DYRK1A: variants seen among roughly 807,000 people sequenced by gnomAD.
DYRK1A encodes dual specificity tyrosine phosphorylation regulated kinase 1A, also known as dual specificity tyrosine-phosphorylation-regulated kinase 1A.
DYRK1A carries 9 observed loss-of-function variants against 79.7 expected under a neutral mutation model. The observed-to-expected ratio is 0.11, with a 90% CI of 0.07 to 0.20. The LOEUF is 0.20. DYRK1A is among the 10% of genes least tolerant of loss of function. The pLI is 1.00. For missense variants in DYRK1A, 622 were observed against 956.0 expected, an observed-to-expected ratio of 0.65 and a Z score of 4.61; for synonymous variants, 349 against 329.7, an observed-to-expected ratio of 1.06 and a Z score of -0.63.
intron 2 of DYRK1A, among the ~76,000 whole-genome samples, chr21:37,421,165 ACT>A (rs1344689069): frequency 6.6e-6 from 1 of 152,078 alleles, no homozygotes. Flanking sequence ...AACATTTGAA[ACT>A]CTGTCAGAGA....
At chr21:37,461,293 C>T (rs1212510014) in intron 2 of DYRK1A, among the ~76,000 whole-genome samples, 2 of 151,938 alleles carry the variant, frequency 1.3e-5, no homozygotes, top group Non-Finnish European at 2.9e-5. Flanking sequence ...ATGGCAAAAC[C>T]ACAACTACTT....
intron 1 of DYRK1A, among the ~76,000 whole-genome samples, chr21:37,368,465 G>A (rs1037299472): frequency 6.6e-6 from 1 of 152,176 alleles, no homozygotes; most frequent in Non-Finnish European, 1.5e-5. Flanking sequence ...AGTGACTCTG[G>A]TTACTTGCCT....
intron 1 of DYRK1A, among the ~76,000 whole-genome samples, chr21:37,409,903 A>G (rs2050213016): frequency 6.6e-6 from 1 of 152,178 alleles, no homozygotes; most frequent in South Asian, 2.1e-4. Flanking sequence ...TATCTGTGTT[A>G]CCTTTTGTGT....
upstream of DYRK1A, among the ~76,000 whole-genome samples, chr21:37,366,397 T>TCGGCGCGGGCGCGGGGCGGGG (rs1174673993): frequency 1.4e-5 from 2 of 144,262 alleles, no homozygotes; most frequent in Non-Finnish European, 3.1e-5. Context: ...CGGGCCGCAG[T>TCGGCGCGGGCGCGGGGCGGGG]CGGCGCGGGC....
rs935702554 is a variant in DYRK1A, at chr21:37,517,776, A to T, written c.*5245A>T. ...GAGGATGAATTTGGAATCATCATCC[A>T]CTCACTGTTGGACAGAAAGACTGCA... On this transcript the variant is annotated 3_prime_UTR_variant, in exon 12 of 12. Coordinates refer to ENST00000647188, the MANE Select transcript of DYRK1A (RefSeq NM_001347721.2). 1 of 152,246 alleles carries T rather than the reference A, an allele frequency of 6.6e-6. No homozygotes were observed. The highest frequency in any genetic ancestry group is 6.5e-5 in the Admixed American group (1 of 15,284). 9.4% of individuals were successfully genotyped at this position (152,246 alleles called of 1,614,324 possible).
At chr21:37,430,316 G>A (rs2050742305) in intron 2 of DYRK1A, 1 of 975,928 alleles carries the variant, frequency 1.0e-6, no homozygotes, top group Non-Finnish European at 1.2e-6. Flanking sequence ...AGAACATAGT[G>A]TATTAAGACT....
At chr21:37,476,094 G>T (rs1226648374) in intron 3 of DYRK1A, among the ~76,000 whole-genome samples, 1 of 152,184 alleles carries the variant, frequency 6.6e-6, no homozygotes, top group Non-Finnish European at 1.5e-5. Context: ...CTCGTTAAGA[G>T]CCTGGGGTTA....
chr21:37,398,093 A>G (rs997833536), intron 1 of DYRK1A, among the ~76,000 whole-genome samples: 24 of 146,228 alleles, frequency 1.6e-4, no homozygotes, highest in Non-Finnish European at 3.3e-4. Context: ...ATATATATTT[A>G]TATTTATATA....
At chr21:37,424,523 A>T (rs894467443) in intron 2 of DYRK1A, among the ~76,000 whole-genome samples, 1 of 152,092 alleles carries the variant, frequency 6.6e-6, no homozygotes, top group Non-Finnish European at 1.5e-5. Flanking sequence ...GTTGGGTAAG[A>T]TCCATTTTAT....
chr21:37,515,409 T>G lies in DYRK1A; in HGVS notation c.*2878T>G, dbSNP rs1395742223. On this transcript the variant is annotated 3_prime_UTR_variant, in exon 12 of 12. Coordinates refer to ENST00000647188, the MANE Select transcript of DYRK1A (RefSeq NM_001347721.2). The stretch of plus-strand genomic sequence containing the variant: ...GATTTTTCACATTGATTTTTTTATT[T>G]GAATGTTTACATAATTTTGTGATTC... 6.6e-6 allele frequency: 1 copy of G among 152,464 alleles called. No homozygotes were observed. The highest frequency in any genetic ancestry group is 1.9e-4 in the East Asian group (1 of 5,194). 9.4% of individuals were successfully genotyped at this position (152,464 alleles called of 1,614,324 possible).
chr21:37,383,433 C>T (rs1485677618), intron 1 of DYRK1A, among the ~76,000 whole-genome samples: 1 of 152,198 alleles, frequency 6.6e-6, no homozygotes, highest in East Asian at 1.9e-4. Context: ...TTCCTTTCAG[C>T]TTAAACAAAG....
chr21:37,499,066 C>T (rs756860474), intron 9 of DYRK1A, among the ~76,000 whole-genome samples: 21 of 151,988 alleles, frequency 1.4e-4, no homozygotes, highest in Non-Finnish European at 2.5e-4. Flanking sequence ...GTGGCTTTGC[C>T]TTTTCCTTTC....
At chr21:37,490,122 AC>A in intron 6 of DYRK1A, 52 bp from the exon 7 acceptor site, 1 of 1,512,164 alleles carries the variant, frequency 6.6e-7, no homozygotes, top group African/African-American at 1.4e-5. Context: ...TGTGTTTGTT[AC>A]TCTCAGTTTA....
chr21:37,436,675 TAGAC>T lies in DYRK1A; in HGVS notation c.10+16293_10+16296del, dbSNP rs1160165402. Among the ~76,000 whole-genome samples, 3 of 152,222 alleles carry T rather than the reference TAGAC, an allele frequency of 2.0e-5. No individual in the cohort carries two copies. In the East Asian group the frequency reaches 5.8e-4, roughly 29 times the overall value. ...CCTTTATTTAAGAGCATAGTAAAAT[TAGAC>T]AAGCTAACTGGACAATCTTACAGAC... On this transcript the variant is annotated intron_variant, in intron 2 of 11. Coordinates refer to ENST00000647188, the MANE Select transcript of DYRK1A (RefSeq NM_001347721.2).
At position 37,480,800 on chromosome 21, in the gene DYRK1A, T is replaced by C; in HGVS notation, c.463T>C (p.Leu155=). The change falls in exon 5 of 12, where the codon TTG becomes CTG. Residue 155 remains leucine, a synonymous_variant. Transcript: ENST00000647188. ...GATGGATCGTTACGAAATTGACTCC[T>C]TGATAGGCAAAGGTTCCTTTGGACA... ...KWMDRYEIDS[L]IGKGSFGQVV... 6.2e-7 allele frequency: 1 copy of C among 1,605,442 alleles called. No individual in the cohort carries two copies. Among genetic ancestry groups the C allele is most frequent in the Non-Finnish European group, 8.5e-7 (1 of 1,177,018 alleles).
intron 9 of DYRK1A, among the ~76,000 whole-genome samples, chr21:37,499,109 T>C (rs2053362631): frequency 6.6e-6 from 1 of 152,186 alleles, no homozygotes. Context: ...ATAGGGAGTT[T>C]TAATATTGAT....
chr21:37,438,654 G>A (rs2050997059), intron 2 of DYRK1A, among the ~76,000 whole-genome samples: 1 of 152,154 alleles, frequency 6.6e-6, no homozygotes, highest in African/African-American at 2.4e-5. Flanking sequence ...GGGTCTGTTT[G>A]TGGATTTTCC....
intron 1 of DYRK1A, among the ~76,000 whole-genome samples, chr21:37,373,400 G>C (rs1212188498): frequency 6.6e-6 from 1 of 152,174 alleles, no homozygotes; most frequent in African/African-American, 2.4e-5. Flanking sequence ...TAATATTTAA[G>C]AGTTACGATA....
rs866046842 is a variant in DYRK1A, at chr21:37,455,624, T to G, written c.11-17060T>G. Among the ~76,000 whole-genome samples the G allele has an allele frequency of 5.3e-5, 8 of 152,264 alleles. No homozygotes were observed. In the Middle Eastern group the frequency reaches 0.02, roughly 388 times the overall value. On this transcript the variant is annotated intron_variant, in intron 2 of 11. Coordinates refer to ENST00000647188, the MANE Select transcript of DYRK1A (RefSeq NM_001347721.2). ...CTCTCAGAGTGTCTCTTCATGCATC[T>G]CCTTCCTTTCTTTTGCTGACAATTC...
Sources: gnomAD v4.1 joint callset for allele counts (sites outside exome capture counted in the v4.1 genomes callset) on GRCh38, gnomAD v4.1.1 for gene constraint, MANE v1.5 for transcripts, NCBI Gene and HGNC (gene_info 2026-07-23, HGNC 2026-07-21) for gene names.